HMCN1: variants seen among roughly 807,000 people sequenced by gnomAD.
The protein encoded by HMCN1 is hemicentin-1.
HMCN1 carries 321 observed loss-of-function variants against 625.9 expected under a neutral mutation model. The observed-to-expected ratio is 0.51, with a 90% CI of 0.47 to 0.56. The LOEUF (loss-of-function observed/expected upper bound fraction) is 0.56. Among genes scored for constraint, HMCN1 ranks in the 20% least tolerant of loss-of-function variants. HMCN1 has a pLI of 0.00. For missense variants in HMCN1, 6,588 were observed against 6,887.3 expected (o/e 0.96, Z 1.54); for synonymous variants, 2,425 against 2,417.6 (o/e 1.00, Z -0.09).
chr1:185,940,103 G>A (rs909813356), intron 11 of HMCN1, among the ~76,000 whole-genome samples: 2 of 152,190 alleles, frequency 1.3e-5, no homozygotes, highest in African/African-American at 4.8e-5. Flanking sequence ...GTTGAGTGGT[G>A]TAAGTTCTTT....
intron 1 of HMCN1, among the ~76,000 whole-genome samples, chr1:185,794,482 G>GA (rs1229727438): frequency 7.7e-6 from 1 of 129,286 alleles, no homozygotes; most frequent in East Asian, 2.2e-4. Flanking sequence ...GTCCAAAAAA[G>GA]AAAAAAAAGA....
intron 49 of HMCN1, among the ~76,000 whole-genome samples, chr1:186,067,023 A>G (rs1412051469): frequency 6.6e-6 from 1 of 152,194 alleles, no homozygotes; most frequent in Non-Finnish European, 1.5e-5. Context: ...AGCACTTAAA[A>G]TACAAGATAT....
At chr1:185,882,437 G>A (rs965559706) in intron 4 of HMCN1, among the ~76,000 whole-genome samples, 1 of 151,732 alleles carries the variant, frequency 6.6e-6, no homozygotes, top group Non-Finnish European at 1.5e-5. Context: ...GTTTAGGGTA[G>A]ATCTTGGAAC....
At chr1:186,043,735 G>A (rs910938323) in intron 40 of HMCN1, among the ~76,000 whole-genome samples, 1 of 152,106 alleles carries the variant, frequency 6.6e-6, no homozygotes, top group Non-Finnish European at 1.5e-5. Context: ...CTTCCTGAGT[G>A]CTAGGACTTG....
chr1:185,741,200 G>A (rs917413005), intron 1 of HMCN1, among the ~76,000 whole-genome samples: 4 of 151,980 alleles, frequency 2.6e-5, no homozygotes, highest in Admixed American at 2.6e-4. Context: ...AGAATCATAC[G>A]CCCAATATGC....
rs372928776 is a variant in HMCN1 at position 185,962,422 on chromosome 1, TGTG to T, written c.1829-89_1829-87del. The T allele has an allele frequency of 3.4e-4, 320 of 946,488 alleles. 1 individual carries two copies. The East Asian group carries it at 6.0e-3, about 18-fold the overall frequency. The allele number at this position is 946,488 out of a possible 1,614,324, so 58.6% of individuals were successfully genotyped here. A position where few individuals can be genotyped will look rare whatever the true frequency, so the allele number is the denominator to read the frequency against. On this transcript the variant is annotated intron_variant, in intron 11 of 106. Transcript: ENST00000271588. Reference sequence around the variant, plus strand: ...CATCCATAGAGGAAGGCAATAAAGATGTGGTGGTGAGAAACCTACAAATCTGCT... The same window carrying T: ...CATCCATAGAGGAAGGCAATAAAGATGTGGTGAGAAACCTACAAATCTGCT...
intron 89 of HMCN1, among the ~76,000 whole-genome samples, chr1:186,141,873 C>G (rs2102547718): frequency 6.6e-6 from 1 of 152,320 alleles, no homozygotes; most frequent in East Asian, 1.9e-4. Flanking sequence ...GAGTGTCTGC[C>G]TGGAGACCCA....
intron 49 of HMCN1, among the ~76,000 whole-genome samples, chr1:186,066,447 C>A (rs1407705420): frequency 2.6e-5 from 4 of 152,176 alleles, no homozygotes; most frequent in African/African-American, 9.7e-5. Context: ...TTTCTTTTCT[C>A]AGAGGATAAC....
intron 30 of HMCN1, among the ~76,000 whole-genome samples, chr1:186,012,198 G>A (rs1198156734): frequency 6.6e-6 from 1 of 150,532 alleles, no homozygotes; most frequent in Non-Finnish European, 1.5e-5. Context: ...ACTTTACATT[G>A]TAATAAGCTT....
intron 1 of HMCN1, among the ~76,000 whole-genome samples, chr1:185,838,030 A>C (rs1247452034): frequency 6.6e-6 from 1 of 152,148 alleles, no homozygotes; most frequent in East Asian, 1.9e-4. Flanking sequence ...AGGCATGGAG[A>C]CTGAGAGGGA....
At chr1:186,171,599 G>T in intron 101 of HMCN1, 149 bp downstream of exon 101, 1 of 634,926 alleles carries the variant, frequency 1.6e-6, no homozygotes, top group South Asian at 1.8e-5. Context: ...AAACCAAAAT[G>T]ACAAAAAATG....
chr1:185,925,242 A>G (rs1416679602), intron 9 of HMCN1, 51 bp downstream of exon 9: 5 of 1,516,136 alleles, frequency 3.3e-6, no homozygotes, highest in Non-Finnish European at 4.6e-6. Context: ...ACATGTAAAT[A>G]TAAATAGACT....
At chr1:186,078,981 C>CAAGGACAGTG (rs1368970944) in intron 55 of HMCN1, among the ~76,000 whole-genome samples, 2 of 152,168 alleles carry the variant, frequency 1.3e-5, no homozygotes, top group Non-Finnish European at 2.9e-5. Context: ...CTGACATTGT[C>CAAGGACAGTG]AAGGACAGTG....
At chr1:185,831,728 A>G (rs921412856) in intron 1 of HMCN1, among the ~76,000 whole-genome samples, 1 of 152,226 alleles carries the variant, frequency 6.6e-6, no homozygotes, top group African/African-American at 2.4e-5. Context: ...AACGTATAAT[A>G]GAAGAAATAC....
At chr1:185,991,541 A>G (rs921160890) in intron 22 of HMCN1, among the ~76,000 whole-genome samples, 1 of 152,162 alleles carries the variant, frequency 6.6e-6, no homozygotes, top group Admixed American at 6.5e-5. Context: ...TCAATTTGCC[A>G]TTGTAACAAA....
rs1019317014 is a variant in HMCN1, at chr1:186,114,695, G to A, written c.11277-124G>A. 3 of 1,112,052 alleles carry A rather than the reference G, an allele frequency of 2.7e-6. No homozygotes were observed. In the Admixed American group the frequency reaches 5.1e-5, roughly 19 times the overall value. 68.9% of individuals were successfully genotyped at this position (1,112,052 alleles called of 1,614,324 possible). A position where few individuals can be genotyped will look rare whatever the true frequency, so the allele number is the denominator to read the frequency against. On this transcript the variant is annotated intron_variant, in intron 73 of 106. Transcript: ENST00000271588. ...CTTCCACCAAGGGTATCATAAACAT[G>A]TGTCATCTGAAACAGGAAAAATACT...
intron 102 of HMCN1, among the ~76,000 whole-genome samples, chr1:186,173,285 G>T (rs947326681): frequency 6.6e-6 from 1 of 152,126 alleles, no homozygotes; most frequent in Non-Finnish European, 1.5e-5. Flanking sequence ...TAGTTGTTAA[G>T]TTCATGGTGG....
intron 30 of HMCN1, among the ~76,000 whole-genome samples, chr1:186,010,188 T>C (rs1298722345): frequency 6.6e-6 from 1 of 152,074 alleles, no homozygotes; most frequent in African/African-American, 2.4e-5. Flanking sequence ...TGTGTGTGTG[T>C]CTGTGTCTGT....
Position 186,087,470 on chromosome 1 carries a change from G to T in HMCN1, c.9188G>T (p.Ser3063Ile). 2 of 1,613,210 alleles carry T rather than the reference G, an allele frequency of 1.2e-6. No individual in the cohort carries two copies. Among genetic ancestry groups the T allele is most frequent in the Non-Finnish European group, 1.7e-6 (2 of 1,179,440 alleles). ...YVPPSIKDHD[S>I]ESLSVVNVRE... is the part of the protein sequence containing the mutation. ...CCCCCAAGCATTAAAGACCATGACA[G>T]TGAATCTCTTTCTGTAGTTAATGTA... Residue 3063 changes from serine (S) to isoleucine (I), a missense_variant, in exon 60 of 107, where the codon AGT becomes ATT. By Grantham distance (142) the Ser-to-Ile change is moderately radical (BLOSUM62 -2). Around this residue, in one of 3 missense-constraint regions of HMCN1, gnomAD observed 4,628 missense variants for 4,853.1 expected, o/e 0.95. Transcript: ENST00000271588.
Sources: gnomAD v4.1 joint callset for allele counts (sites outside exome capture counted in the v4.1 genomes callset) on GRCh38, gnomAD v4.1.1 for gene constraint, gnomAD v4.1.1 regional missense constraint, MANE v1.5 for transcripts, NCBI Gene and HGNC (gene_info 2026-07-23, HGNC 2026-07-21) for gene names.